PPHLN1: variants seen among roughly 807,000 people sequenced by gnomAD.
PPHLN1 encodes periphilin 1.
Under a neutral mutation model 51.3 loss-of-function variants are expected in PPHLN1, and 29 were observed. That is an observed-to-expected ratio of 0.57 (90% confidence interval 0.42 to 0.77). PPHLN1 has a LOEUF of 0.77. PPHLN1 is among the 30% of genes least tolerant of loss of function. The pLI is 0.00. For synonymous variants in PPHLN1, 147 were observed against 147.8 expected (o/e 0.99, Z 0.04); for missense variants, 436 against 438.4 (o/e 0.99, Z 0.05).
intron 1 of PPHLN1, among the ~76,000 whole-genome samples, chr12:42,333,489 T>A (rs1019326001): frequency 1.3e-5 from 2 of 151,854 alleles, no homozygotes; most frequent in Admixed American, 6.6e-5. Context: ...TATTTTTATT[T>A]TTATTTTTTT....
chr12:42,341,960 A>AT (rs2071576370), intron 2 of PPHLN1, among the ~76,000 whole-genome samples: 1 of 152,172 alleles, frequency 6.6e-6, no homozygotes, highest in African/African-American at 2.4e-5. Context: ...AGTCACTTTT[A>AT]TAAGGGGCTT....
Position 42,352,052 on chromosome 12 carries a change from A to G in PPHLN1, c.237+3A>G. 2 of 1,460,244 alleles carry G rather than the reference A, an allele frequency of 1.4e-6. No individual in the cohort carries two copies. The highest frequency in any genetic ancestry group is 1.8e-6 in the Non-Finnish European group (2 of 1,106,736). The allele number at this position is 1,460,244 out of a possible 1,614,324, so 90.5% of individuals were successfully genotyped here. On this transcript the variant is annotated splice_donor_region_variant and intron_variant, in intron 3 of 9. Transcript: ENST00000358314. Reference sequence around the variant, plus strand: ...GAAGTGGTCCACCTCACAGAGGAGTATGTAAATTTCCCCCATGTACTAATT... The same window carrying G: ...GAAGTGGTCCACCTCACAGAGGAGTGTGTAAATTTCCCCCATGTACTAATT...
intron 9 of PPHLN1, among the ~76,000 whole-genome samples, chr12:42,433,751 T>A (rs1592999161): frequency 6.6e-6 from 1 of 152,186 alleles, no homozygotes; most frequent in South Asian, 2.1e-4. Context: ...TGTCTTCACA[T>A]TGAATAAGCT....
chr12:42,439,720 T>TC (rs1431745330), intron 9 of PPHLN1, among the ~76,000 whole-genome samples: 1 of 152,166 alleles, frequency 6.6e-6, no homozygotes, highest in African/African-American at 2.4e-5. Context: ...ACTAACACTG[T>TC]CTGTTTGTTG....
intron 4 of PPHLN1, among the ~76,000 whole-genome samples, chr12:42,365,537 A>C (rs922402522): frequency 5.3e-5 from 8 of 152,148 alleles, no homozygotes; most frequent in Non-Finnish European, 8.8e-5. Flanking sequence ...AGGGGCGGGA[A>C]TTACCTTGGG....
intron 9 of PPHLN1, among the ~76,000 whole-genome samples, chr12:42,412,248 C>T (rs1267801289): frequency 6.6e-6 from 1 of 151,276 alleles, no homozygotes; most frequent in Admixed American, 6.6e-5. Flanking sequence ...TCACCCACTC[C>T]ACCCTCCTGC....
chr12:42,353,838 T>C (rs967177933), intron 3 of PPHLN1, among the ~76,000 whole-genome samples: 5 of 152,214 alleles, frequency 3.3e-5, no homozygotes, highest in Non-Finnish European at 5.9e-5. Context: ...TCTAAAAACT[T>C]GTAGCATAAT....
intron 8 of PPHLN1, among the ~76,000 whole-genome samples, chr12:42,394,171 C>A (rs1037210302): frequency 6.6e-6 from 1 of 151,590 alleles, no homozygotes; most frequent in South Asian, 2.1e-4. Flanking sequence ...TCTTGAATAC[C>A]GAAAGATGGG....
chr12:42,380,400 T>C lies in PPHLN1; in HGVS notation c.512-4540T>C, dbSNP rs150399838. ...GCCATTATTAAGAATAGAAGATATTTTTTAAAAAATACTGTTAGTCATTAG... is the reference window on the plus strand; with the variant it reads ...GCCATTATTAAGAATAGAAGATATTCTTTAAAAAATACTGTTAGTCATTAG... On this transcript the variant is annotated intron_variant, in intron 5 of 9. Transcript: ENST00000358314. 3.7e-3 allele frequency among the ~76,000 whole-genome samples: 570 copies of C among 152,196 alleles called. 4 individuals are homozygous for C. Among genetic ancestry groups the C allele is most frequent in the African/African-American group, 0.013 (536 of 41,574 alleles).
At chr12:42,335,593 G>C (rs543512132) in intron 1 of PPHLN1, among the ~76,000 whole-genome samples, 1 of 151,910 alleles carries the variant, frequency 6.6e-6, no homozygotes, top group Middle Eastern at 3.4e-3. Context: ...TTTGTGGTCT[G>C]AAGTGTGCCA....
chr12:42,432,237 C>T, intron 9 of PPHLN1: 1 of 783,442 alleles, frequency 1.3e-6, no homozygotes, highest in Non-Finnish European at 2.4e-6. Context: ...GAATTTGTAC[C>T]ATAACTGGAG....
chr12:42,422,984 A>ATT (rs1471130972), intron 9 of PPHLN1, among the ~76,000 whole-genome samples: 3 of 152,226 alleles, frequency 2.0e-5, no homozygotes, highest in Non-Finnish European at 2.9e-5. Flanking sequence ...TACCTTGAGC[A>ATT]TAAAGTGGAA....
intron 5 of PPHLN1, among the ~76,000 whole-genome samples, chr12:42,380,362 T>G (rs1248806910): frequency 6.6e-6 from 1 of 152,106 alleles, no homozygotes; most frequent in Non-Finnish European, 1.5e-5. Context: ...CCCTTATTTT[T>G]CTTACGTCAA....
intron 9 of PPHLN1, among the ~76,000 whole-genome samples, chr12:42,431,163 T>C (rs1279120796): frequency 5.9e-5 from 9 of 152,212 alleles, no homozygotes; most frequent in Admixed American, 3.3e-4. Flanking sequence ...GGTCTGCAGA[T>C]TTTTCTCTAT....
intron 6 of PPHLN1, among the ~76,000 whole-genome samples, chr12:42,385,270 A>C (rs577035533): frequency 3.4e-4 from 52 of 152,320 alleles, no homozygotes; most frequent in African/African-American, 1.2e-3. Context: ...AGTAGGATCA[A>C]GTGATTTCTG....
At chr12:42,398,611 A>C in intron 8 of PPHLN1, 1 of 329,250 alleles carries the variant, frequency 3.0e-6, no homozygotes, top group East Asian at 4.8e-5. Flanking sequence ...TGGCCCCTGC[A>C]CAAGGATGGC....
intron 4 of PPHLN1, among the ~76,000 whole-genome samples, chr12:42,370,287 C>T (rs2075681867): frequency 6.6e-6 from 1 of 152,192 alleles, no homozygotes; most frequent in South Asian, 2.1e-4. Flanking sequence ...AATGCTGAGG[C>T]AGGTAGGTCT....
chr12:42,418,768 T>C (rs1357515667), intron 9 of PPHLN1, among the ~76,000 whole-genome samples: 1 of 152,216 alleles, frequency 6.6e-6, no homozygotes, highest in Admixed American at 6.5e-5. Flanking sequence ...ATCACAATTA[T>C]ACATTTTTTT....
chr12:42,328,042 G>A (rs1592128001), intron 1 of PPHLN1, among the ~76,000 whole-genome samples: 1 of 152,036 alleles, frequency 6.6e-6, no homozygotes, highest in Non-Finnish European at 1.5e-5. Context: ...AAAAAAAGTG[G>A]GTCAAACACA....
Sources: allele counts gnomAD v4.1 joint callset (sites outside exome capture counted in the v4.1 genomes callset), GRCh38; gene constraint gnomAD v4.1.1; transcripts MANE v1.5; gene names NCBI Gene and HGNC (gene_info 2026-07-23, HGNC 2026-07-21).